The following CCDC102B variants were observed in gnomAD, a reference collection of about 807,000 sequenced individuals.
CCDC102B encodes the protein coiled-coil domain-containing protein 102B.
Under a neutral mutation model 57.4 loss-of-function variants are expected in CCDC102B, and 75 were observed. The observed-to-expected ratio is 1.31, with a 90% CI of 1.08 to 1.58. The LOEUF (loss-of-function observed/expected upper bound fraction) is 1.58. Among genes scored for constraint, CCDC102B ranks in the 40% most tolerant of loss-of-function variants. The probability of loss-of-function intolerance (pLI) is 0.00; values close to 1 mark genes in which losing one functional copy is unlikely to be tolerated. For synonymous variants in CCDC102B, 206 were observed against 201.9 expected, an observed-to-expected ratio of 1.02 and a Z score of -0.17; for missense variants, 636 against 582.6, an observed-to-expected ratio of 1.09 and a Z score of -0.94.
intron 2 of CCDC102B, among the ~76,000 whole-genome samples, chr18:68,780,979 C>A (rs1360020168): frequency 6.6e-6 from 1 of 152,104 alleles, no homozygotes; most frequent in Non-Finnish European, 1.5e-5. Flanking sequence ...AAAACACTAT[C>A]ATATCTCTGA....
chr18:68,772,054 A>G (rs2034657216), intron 2 of CCDC102B, among the ~76,000 whole-genome samples: 1 of 152,154 alleles, frequency 6.6e-6, no homozygotes, highest in South Asian at 2.1e-4. Flanking sequence ...CACATTTCCA[A>G]GGTGAGTGAT....
chr18:68,844,466 A>G (rs2037769736), intron 3 of CCDC102B, among the ~76,000 whole-genome samples: 1 of 151,802 alleles, frequency 6.6e-6, no homozygotes, highest in South Asian at 2.1e-4. Context: ...CATCCTACAC[A>G]AGAAAATCTA....
chr18:68,815,112 AT>A (rs1464619705), intron 1 of CCDC102B, among the ~76,000 whole-genome samples: 2 of 152,106 alleles, frequency 1.3e-5, no homozygotes, highest in African/African-American at 4.8e-5. Context: ...AATAAACATG[AT>A]TTTTTATTTG....
At chr18:68,791,936 G>C (rs1175841595) in intron 2 of CCDC102B, among the ~76,000 whole-genome samples, 1 of 152,110 alleles carries the variant, frequency 6.6e-6, no homozygotes, top group East Asian at 1.9e-4. Flanking sequence ...ATTTGGCAAT[G>C]TCTGGTAACA....
intron 3 of CCDC102B, among the ~76,000 whole-genome samples, chr18:68,844,526 A>G (rs2037772745): frequency 1.3e-5 from 2 of 151,904 alleles, no homozygotes. Context: ...CATTCCAATG[A>G]AGTTACAAAC....
intron 6 of CCDC102B, among the ~76,000 whole-genome samples, chr18:68,976,591 T>TA (rs545472237): frequency 3.3e-5 from 5 of 151,930 alleles, no homozygotes; most frequent in South Asian, 4.1e-4. Context: ...TTGCCAAGTT[T>TA]AAAAAAAATT....
chr18:68,924,924 C>T (rs1265883327), intron 6 of CCDC102B, among the ~76,000 whole-genome samples: 1 of 152,026 alleles, frequency 6.6e-6, no homozygotes, highest in East Asian at 1.9e-4. Flanking sequence ...GTGCCCACCC[C>T]CAGATTTGCT....
chr18:68,869,239 G>T (rs1418813671), intron 4 of CCDC102B, among the ~76,000 whole-genome samples: 1 of 152,176 alleles, frequency 6.6e-6, no homozygotes, highest in Non-Finnish European at 1.5e-5. Flanking sequence ...CATGACAGTA[G>T]ATGGGATGAC....
chr18:68,855,961 G>A (rs1236802546), intron 4 of CCDC102B, among the ~76,000 whole-genome samples: 1 of 152,036 alleles, frequency 6.6e-6, no homozygotes, highest in Non-Finnish European at 1.5e-5. Flanking sequence ...ATTTAGATTT[G>A]GCAGGAATAC....
At chr18:68,886,217 C>A (rs1386379163) in intron 5 of CCDC102B, among the ~76,000 whole-genome samples, 1 of 151,718 alleles carries the variant, frequency 6.6e-6, no homozygotes, top group African/African-American at 2.4e-5. Context: ...ACTGGATATT[C>A]TCAAGAAATA....
chr18:68,895,902 A>G (rs1162596435), intron 5 of CCDC102B, among the ~76,000 whole-genome samples: 1 of 151,972 alleles, frequency 6.6e-6, no homozygotes, highest in East Asian at 1.9e-4. Flanking sequence ...ATGTCTCGAT[A>G]TCCATATGCC....
intron 2 of CCDC102B, among the ~76,000 whole-genome samples, chr18:68,782,400 T>C (rs191043976): frequency 1.2e-3 from 189 of 152,240 alleles, no homozygotes; most frequent in African/African-American, 4.3e-3. Context: ...ATTTATTCCT[T>C]TTCCTCTTCT....
intron 1 of CCDC102B, among the ~76,000 whole-genome samples, chr18:68,814,564 A>G (rs1228500433): frequency 6.6e-6 from 1 of 152,156 alleles, no homozygotes; most frequent in Non-Finnish European, 1.5e-5. Context: ...TTTTCAAAGG[A>G]AAATTAAAGA....
At chr18:68,722,328 G>A (rs775516960) in intron 2 of CCDC102B, among the ~76,000 whole-genome samples, 47 of 152,202 alleles carry the variant, frequency 3.1e-4, no homozygotes, top group Admixed American at 1.0e-3. Context: ...AACTGAAGCT[G>A]CAGAAATGCT....
chr18:68,741,373 G>A (rs1002898438), intron 2 of CCDC102B, among the ~76,000 whole-genome samples: 25 of 152,136 alleles, frequency 1.6e-4, no homozygotes, highest in Admixed American at 1.3e-4. Flanking sequence ...ATGATTGAGC[G>A]ACGGATTACA....
chr18:68,978,893 T>C (rs1785426812), intron 6 of CCDC102B, among the ~76,000 whole-genome samples: 1 of 152,036 alleles, frequency 6.6e-6, no homozygotes, highest in Non-Finnish European at 1.5e-5. Context: ...TGGAAAGCTA[T>C]AGAGAAATGA....
rs1568293179 is a variant in CCDC102B at position 68,857,319 on chromosome 18, T to TGA, written c.936+10898_936+10899insGA. Among the ~76,000 whole-genome samples the TGA allele has an allele frequency of 3.2e-3, 12 of 3,768 alleles. 2 individuals carry two copies. Among genetic ancestry groups the TGA allele is most frequent in the Admixed American group, 0.027 (5 of 186 alleles). The allele number at this position is 3,768 out of a possible 152,430, so 2.5% of individuals were successfully genotyped here. ...TATATATATAATATATATTTATATA[T>TGA]TATATATATAAAATATATATTTATA... is the stretch of plus-strand genomic sequence containing the variant. On this transcript the variant is annotated intron_variant, in intron 4 of 7. Coordinates refer to ENST00000360242, the MANE Select transcript of CCDC102B (RefSeq NM_024781.3).
chr18:68,869,181 A>T (rs1568300809), intron 4 of CCDC102B, among the ~76,000 whole-genome samples: 1 of 152,146 alleles, frequency 6.6e-6, no homozygotes, highest in Non-Finnish European at 1.5e-5. Context: ...GGATTTATGA[A>T]TGTAGAAAGG....
intron 6 of CCDC102B, among the ~76,000 whole-genome samples, chr18:68,936,903 C>T (rs1248754677): frequency 6.6e-6 from 1 of 151,418 alleles, no homozygotes; most frequent in Non-Finnish European, 1.5e-5. Context: ...ATACGTAAGT[C>T]AATTACTATT....
Sources: allele counts gnomAD v4.1 joint callset (sites outside exome capture counted in the v4.1 genomes callset), GRCh38; gene constraint gnomAD v4.1.1; transcripts MANE v1.5; gene names NCBI Gene and HGNC (gene_info 2026-07-23, HGNC 2026-07-21).